FTO: variants seen among roughly 807,000 people sequenced by gnomAD.
The protein encoded by FTO is alpha-ketoglutarate-dependent dioxygenase FTO.
FTO carries 47 observed loss-of-function variants against 63.9 expected under a neutral mutation model. The ratio of observed to expected loss-of-function variants is 0.74; its 90% CI spans 0.58 to 0.94. The LOEUF is 0.94. Among genes scored for constraint, FTO ranks in the 40% least tolerant of loss-of-function variants. The probability of loss-of-function intolerance (pLI) is 0.00; values close to 1 mark genes in which losing one functional copy is unlikely to be tolerated. For synonymous variants in FTO, 207 were observed against 224.4 expected, an observed-to-expected ratio of 0.92 and a Z score of 0.69; for missense variants, 562 against 618.1, an observed-to-expected ratio of 0.91 and a Z score of 0.96.
chr16:53,831,475 T>C (rs1257550488), intron 3 of FTO, among the ~76,000 whole-genome samples: 1 of 152,180 alleles, frequency 6.6e-6, no homozygotes, highest in Non-Finnish European at 1.5e-5. Context: ...AAAAACTTAT[T>C]TGATCTACAA....
chr16:53,823,221 C>T (rs2078914544), intron 2 of FTO, among the ~76,000 whole-genome samples: 1 of 152,202 alleles, frequency 6.6e-6, no homozygotes. Flanking sequence ...CTTGGCCTCT[C>T]AGTGTCAGGT....
rs540707888 is a variant in FTO at position 53,814,421 on chromosome 16, G to A, written c.123+4204G>A. Among the ~76,000 whole-genome samples, 12 of 152,246 alleles carry A rather than the reference G, an allele frequency of 7.9e-5. No individual in the cohort carries two copies. In the South Asian group the frequency reaches 1.9e-3, roughly 24 times the overall value. On this transcript the variant is annotated intron_variant, in intron 2 of 8. Coordinates refer to ENST00000471389, the MANE Select transcript of FTO (RefSeq NM_001080432.3). ...TGCTGCTACTTTAAGTGCATTACACGTGTGAGCTCACTGAAATCTTGCTAT... is the reference window on the plus strand; with the variant it reads ...TGCTGCTACTTTAAGTGCATTACACATGTGAGCTCACTGAAATCTTGCTAT...
chr16:53,987,584 AAAAAAAAAAAAAAG>A (rs1279931433), intron 8 of FTO, among the ~76,000 whole-genome samples: 1,273 of 97,174 alleles, frequency 0.013, 30 homozygotes, highest in African/African-American at 0.051. Flanking sequence ...CTCTGTCTCA[AAAAAAAAAAAAAAG>A]AAAAGAAAAG....
chr16:53,845,206 T>G (rs2079587330), intron 4 of FTO, among the ~76,000 whole-genome samples: 1 of 152,232 alleles, frequency 6.6e-6, no homozygotes, highest in African/African-American at 2.4e-5. Flanking sequence ...CTCTTGTTCC[T>G]GATTATTTGG....
intron 7 of FTO, chr16:53,911,114 G>T (rs2081686449): frequency 2.3e-6 from 1 of 441,438 alleles, no homozygotes; most frequent in East Asian, 3.6e-5. Flanking sequence ...ATTTATGTCT[G>T]CAGTAGGCAT....
intron 8 of FTO, among the ~76,000 whole-genome samples, chr16:53,987,097 G>A (rs8049235): frequency 0.44 from 67,265 of 151,804 alleles, 15,750 homozygotes; most frequent in South Asian, 0.52. Flanking sequence ...ACAAAATCGT[G>A]CCAGTCGCTG....
At chr16:53,704,691 A>G (rs1005396856) in intron 1 of FTO, among the ~76,000 whole-genome samples, 2 of 152,222 alleles carry the variant, frequency 1.3e-5, no homozygotes, top group African/African-American at 2.4e-5. Context: ...CGCTGTGGAT[A>G]TGAATCTTTA....
At chr16:53,767,994 C>T (rs754133765) in intron 1 of FTO, among the ~76,000 whole-genome samples, 16 of 152,302 alleles carry the variant, frequency 1.1e-4, no homozygotes, top group Middle Eastern at 3.4e-3. Flanking sequence ...TAATGCCTGA[C>T]ACATAGTAGA....
Position 54,008,913 on chromosome 16 carries a change from G to A in FTO, c.1364+74804G>A, listed in dbSNP as rs2084274854. Reference sequence around the variant, plus strand: ...TGTAGTCCCAGCTACTTGGGAGGCTGAGGTAGGAGGTTTGTTTGGTCTCAG... The same window carrying A: ...TGTAGTCCCAGCTACTTGGGAGGCTAAGGTAGGAGGTTTGTTTGGTCTCAG... On this transcript the variant is annotated intron_variant, in intron 8 of 8. Coordinates refer to ENST00000471389, the MANE Select transcript of FTO (RefSeq NM_001080432.3). Among the ~76,000 whole-genome samples the A allele has an allele frequency of 2.6e-5, 4 of 151,830 alleles. No individual in the cohort carries two copies. In the South Asian group the frequency reaches 8.3e-4, roughly 32 times the overall value.
At chr16:53,911,033 T>C (rs2081681721) in intron 7 of FTO, among the ~76,000 whole-genome samples, 1 of 152,196 alleles carries the variant, frequency 6.6e-6, no homozygotes, top group South Asian at 2.1e-4. Context: ...ACCGAACATC[T>C]CAGAAGAGCT....
intron 1 of FTO, among the ~76,000 whole-genome samples, chr16:53,745,492 A>G (rs2076629454): frequency 6.6e-6 from 1 of 152,206 alleles, no homozygotes; most frequent in Non-Finnish European, 1.5e-5. Context: ...CTGTGATTGC[A>G]TTGGTTCAGT....
At chr16:53,845,268 G>T (rs1274257461) in intron 4 of FTO, among the ~76,000 whole-genome samples, 2 of 152,106 alleles carry the variant, frequency 1.3e-5, no homozygotes, top group African/African-American at 2.4e-5. Flanking sequence ...TGTTGCTTTT[G>T]GAGCCAGGAA....
At chr16:53,777,563 G>A (rs894799460) in intron 1 of FTO, among the ~76,000 whole-genome samples, 5 of 152,102 alleles carry the variant, frequency 3.3e-5, no homozygotes, top group South Asian at 2.1e-4. Context: ...GTAACATTAC[G>A]TTTTGATCAT....
At chr16:54,058,235 C>T (rs546933128) in intron 8 of FTO, among the ~76,000 whole-genome samples, 5 of 152,220 alleles carry the variant, frequency 3.3e-5, no homozygotes, top group African/African-American at 9.6e-5. Flanking sequence ...CCTCAGCCTC[C>T]CAAGTAGCTG....
intron 8 of FTO, among the ~76,000 whole-genome samples, chr16:54,092,754 C>A (rs1283342707): frequency 1.3e-5 from 2 of 152,180 alleles, no homozygotes; most frequent in Non-Finnish European, 2.9e-5. Context: ...TAACTTGGAA[C>A]CAGTTAAATT....
At chr16:53,706,995 T>G (rs982821455) in intron 1 of FTO, among the ~76,000 whole-genome samples, 5 of 152,222 alleles carry the variant, frequency 3.3e-5, no homozygotes, top group African/African-American at 1.2e-4. Context: ...AATTGCTTAG[T>G]TATAGGGGAG....
At chr16:53,921,499 G>A (rs1489247121) in intron 7 of FTO, among the ~76,000 whole-genome samples, 1 of 152,216 alleles carries the variant, frequency 6.6e-6, no homozygotes. Flanking sequence ...ACAACGAACA[G>A]ATTAGTGCAG....
chr16:53,724,724 A>T (rs530545240), intron 1 of FTO, among the ~76,000 whole-genome samples: 1 of 152,144 alleles, frequency 6.6e-6, no homozygotes, highest in Non-Finnish European at 1.5e-5. Flanking sequence ...TGACCATTTC[A>T]TGTCTGGTCA....
intron 1 of FTO, among the ~76,000 whole-genome samples, chr16:53,721,318 G>A (rs1177755945): frequency 1.3e-5 from 2 of 152,096 alleles, no homozygotes; most frequent in African/African-American, 4.8e-5. Flanking sequence ...CTCTGTTCCC[G>A]AAGTATATAG....
Sources: gnomAD v4.1 joint callset for allele counts (sites outside exome capture counted in the v4.1 genomes callset) on GRCh38, gnomAD v4.1.1 for gene constraint, MANE v1.5 for transcripts, NCBI Gene and HGNC (gene_info 2026-07-23, HGNC 2026-07-21) for gene names.